Variants in VPS13B observed in about 807,000 individuals in gnomAD.
The protein encoded by VPS13B is vacuolar protein sorting 13 homolog B.
VPS13B carries 285 observed loss-of-function variants against 426.4 expected under a neutral mutation model. The ratio of observed to expected loss-of-function variants is 0.67; its 90% CI spans 0.61 to 0.74. The LOEUF is 0.74. VPS13B is among the 30% of genes least tolerant of loss of function. The pLI, the probability that VPS13B is intolerant of heterozygous loss-of-function variation, is 0.00. For synonymous variants in VPS13B, 1,676 were observed against 1,676.4 expected (o/e 1.00, Z 0.01); for missense variants, 4,537 against 4,782.6 (o/e 0.95, Z 1.51).
In VPS13B at chr8:99,717,311, A is replaced by G. The variant is rs2130317408; in HGVS notation, c.6595A>G (p.Asn2199Asp). The G allele has an allele frequency of 6.2e-7, 1 of 1,614,106 alleles. No individual in the cohort carries two copies. Among genetic ancestry groups the G allele is most frequent in the Non-Finnish European group, 8.5e-7 (1 of 1,179,992 alleles). ...LEAKWCKHSG[N>D]PGPEQSIPKI... ...AGCTAAGTGGTGTAAACACAGCGGG[A>G]ATCCAGGCCCAGAACAATCCATACC... Residue 2199 changes from asparagine (N) to aspartate (D), a missense_variant, in exon 37 of 62, where the codon AAT becomes GAT. Physicochemically the swap from Asn to Asp is conservative, Grantham distance 23. Around this residue, in one of 2 missense-constraint regions of VPS13B, gnomAD observed 4,311 missense variants for 4,474.3 expected, o/e 0.96. Transcript: ENST00000357162.
At chr8:99,575,628 T>A in intron 31 of VPS13B, 30 bp from the exon 32 acceptor site, 5 of 1,613,210 alleles carry the variant, frequency 3.1e-6, no homozygotes, top group Non-Finnish European at 4.2e-6. Context: ...AATAATGAAA[T>A]GGCTAATAAT....
chr8:99,468,697 C>A (rs1819240868), intron 24 of VPS13B, among the ~76,000 whole-genome samples: 1 of 152,016 alleles, frequency 6.6e-6, no homozygotes, highest in Non-Finnish European at 1.5e-5. Context: ...TGCACTCCAG[C>A]CTGGGCAATA....
At chr8:99,696,664 AG>A in intron 35 of VPS13B, 1 of 731,750 alleles carries the variant, frequency 1.4e-6, no homozygotes, top group Non-Finnish European at 2.6e-6. Flanking sequence ...GACACCATCG[AG>A]GAGAGGACCT....
intron 16 of VPS13B, among the ~76,000 whole-genome samples, chr8:99,172,494 G>A (rs1331805910): frequency 6.6e-6 from 1 of 152,090 alleles, no homozygotes; most frequent in Non-Finnish European, 1.5e-5. Context: ...TAAATAAGTT[G>A]TCCAAAGTCA....
At chr8:99,279,125 C>A (rs1727726631) in intron 19 of VPS13B, among the ~76,000 whole-genome samples, 1 of 152,050 alleles carries the variant, frequency 6.6e-6, no homozygotes, top group South Asian at 2.1e-4. Flanking sequence ...GTAATCCCAG[C>A]ACTTTGGGAG....
chr8:99,872,569 C>T (rs1027915223), intron 61 of VPS13B, among the ~76,000 whole-genome samples: 4 of 152,236 alleles, frequency 2.6e-5, no homozygotes, highest in Admixed American at 1.3e-4. Flanking sequence ...AAAACAGGTG[C>T]ACCCACTGGA....
At chr8:99,298,989 T>A (rs1463423987) in intron 19 of VPS13B, among the ~76,000 whole-genome samples, 1 of 151,630 alleles carries the variant, frequency 6.6e-6, no homozygotes, top group African/African-American at 2.4e-5. Flanking sequence ...TAGAGTTAGA[T>A]GTGATCTGGA....
Position 99,835,556 on chromosome 8 carries a change from G to T in VPS13B, c.9760G>T (p.Val3254Phe), listed in dbSNP as rs1259417083. Reference protein sequence around the residue: ...ENIKDIPKFEVYCKKIPSECS... With the variant: ...ENIKDIPKFEFYCKKIPSECS... ...AATTTCAGATATTCCAAAGTTTGAG[G>T]TTTATTGCAAAAAAATTCCCTCCGA... The change falls in exon 54 of 62, where the codon GTT (valine) becomes TTT (phenylalanine). Residue 3254 changes from valine (V) to phenylalanine (F), a missense_variant. By Grantham distance (50) the Val-to-Phe change is conservative. Around this residue, in one of 2 missense-constraint regions of VPS13B, gnomAD observed 4,311 missense variants for 4,474.3 expected, o/e 0.96. Coordinates refer to ENST00000357162, the MANE Select transcript of VPS13B (RefSeq NM_152564.5). 5.6e-6 allele frequency: 9 copies of T among 1,614,072 alleles called. No homozygotes were observed. The South Asian group carries it at 9.9e-5, about 18-fold the overall frequency.
chr8:99,431,421 CAT>C (rs1490521600), intron 21 of VPS13B, 114 bp from the exon 22 acceptor site: 2 of 1,295,362 alleles, frequency 1.5e-6, no homozygotes, highest in Non-Finnish European at 2.1e-6. Context: ...TTCATAATCT[CAT>C]ATAAAAATTA....
At chr8:99,165,692 G>T (rs1811962896) in intron 15 of VPS13B, among the ~76,000 whole-genome samples, 1 of 152,134 alleles carries the variant, frequency 6.6e-6, no homozygotes, top group African/African-American at 2.4e-5. Context: ...ACATAAATTG[G>T]CATATTTATT....
At chr8:99,594,615 A>G (rs907025601) in intron 33 of VPS13B, among the ~76,000 whole-genome samples, 3 of 151,968 alleles carry the variant, frequency 2.0e-5, no homozygotes, top group Admixed American at 1.3e-4. Context: ...ATGATGTAAT[A>G]TTATGCTCCA....
intron 39 of VPS13B, among the ~76,000 whole-genome samples, chr8:99,743,811 A>G (rs558297120): frequency 3.3e-5 from 5 of 152,334 alleles, no homozygotes; most frequent in Non-Finnish European, 7.3e-5. Context: ...CTTACACCTT[A>G]TACAAAAATT....
intron 19 of VPS13B, among the ~76,000 whole-genome samples, chr8:99,297,384 A>C (rs1219042712): frequency 6.6e-6 from 1 of 150,474 alleles, no homozygotes; most frequent in Non-Finnish European, 1.5e-5. Context: ...TCACATTTGT[A>C]ACTTTATATT....
At chr8:99,621,128 A>G (rs1326644408) in intron 33 of VPS13B, among the ~76,000 whole-genome samples, 1 of 152,186 alleles carries the variant, frequency 6.6e-6, no homozygotes, top group Admixed American at 6.5e-5. Flanking sequence ...TATTTCCCAC[A>G]GAATTTTGTT....
chr8:99,875,145 C>G, intron 61 of VPS13B: 1 of 479,678 alleles, frequency 2.1e-6, no homozygotes, highest in South Asian at 2.2e-5. Context: ...GTTATCAAAT[C>G]GTCAACTTCA....
intron 17 of VPS13B, among the ~76,000 whole-genome samples, chr8:99,229,939 T>C (rs776684774): frequency 6.6e-6 from 1 of 152,230 alleles, no homozygotes; most frequent in African/African-American, 2.4e-5. Flanking sequence ...ATATCTTGAC[T>C]TCTGACTTAT....
intron 33 of VPS13B, among the ~76,000 whole-genome samples, chr8:99,611,439 T>A (rs566517982): frequency 2.8e-4 from 43 of 152,240 alleles, no homozygotes; most frequent in Non-Finnish European, 6.0e-4. Context: ...TAGATAATAC[T>A]TATTGACTGC....
chr8:99,686,257 G>C lies in VPS13B; in HGVS notation c.6047-13268G>C, dbSNP rs75566080. ...GCTGCCTGGAGCTGGGGCTAAGGAA[G>C]GTAACACAAGCACCGTGGCCACCAC... On this transcript the variant is annotated intron_variant, in intron 35 of 61. Transcript: ENST00000357162. Among the ~76,000 whole-genome samples, 226 of 152,288 alleles carry C rather than the reference G, an allele frequency of 1.5e-3. 9 individuals carry two copies. The East Asian group carries it at 0.038, about 26-fold the overall frequency.
intron 16 of VPS13B, among the ~76,000 whole-genome samples, chr8:99,179,688 C>A (rs1024815978): frequency 6.6e-6 from 1 of 152,156 alleles, no homozygotes; most frequent in Non-Finnish European, 1.5e-5. Flanking sequence ...TATTTAATAG[C>A]CTTTCCCACT....
Sources: allele counts gnomAD v4.1 joint callset (sites outside exome capture counted in the v4.1 genomes callset), GRCh38; gene constraint gnomAD v4.1.1; regional missense constraint gnomAD v4.1.1; transcripts MANE v1.5; gene names NCBI Gene and HGNC (gene_info 2026-07-23, HGNC 2026-07-21).